Variants in STAT2 observed in about 807,000 individuals in gnomAD.
The protein encoded by STAT2 is signal transducer and activator of transcription 2, also known as interferon alpha induced transcriptional activator.
In STAT2, 51 loss-of-function variants were observed where a neutral mutation model predicts 122.3. The ratio of observed to expected loss-of-function variants is 0.42; its 90% CI spans 0.33 to 0.53. The LOEUF (loss-of-function observed/expected upper bound fraction) is 0.53, where lower values mean the gene tolerates loss of function less well. Ranked by LOEUF, STAT2 falls within the 20% of genes least tolerant of loss-of-function variation. The pLI, the probability that STAT2 is intolerant of heterozygous loss-of-function variation, is 0.10. For missense variants in STAT2, 736 were observed against 1,010.3 expected (o/e 0.73, Z 3.68); for synonymous variants, 351 against 394.9 (o/e 0.89, Z 1.32).
chr12:56,355,263 A>G lies in STAT2; in HGVS notation c.547+13T>C, dbSNP rs773493398. ...GCACTTATCTTTCTCCAGCCCCTCAATGTGCTTCCTACCTTTGGCCTGGAT... is the reference window on the plus strand; with the variant it reads ...GCACTTATCTTTCTCCAGCCCCTCAGTGTGCTTCCTACCTTTGGCCTGGAT... On this transcript the variant is annotated intron_variant, in intron 6 of 23. Transcript: ENST00000314128. 2.8e-5 allele frequency: 45 copies of G among 1,613,918 alleles called. No homozygotes were observed. In the Admixed American group the frequency reaches 7.5e-4, roughly 27 times the overall value.
Position 56,349,011 on chromosome 12 carries a change from C to T in STAT2, c.1489G>A (p.Gly497Ser), listed in dbSNP as rs1303248116. The T allele has an allele frequency of 6.2e-7, 1 of 1,613,768 alleles. No homozygotes were observed. Among genetic ancestry groups the T allele is most frequent in the Non-Finnish European group, 8.5e-7 (1 of 1,179,936 alleles). ...GAGAACTGCCAACTGAGAGCAGGGC[C>T]CAGCAAGCTCCAGGGGGCCTTGGGG... The part of the protein sequence containing the change: ...NPPKAPWSLL[G>S]PALSWQFSSY... Residue 497 changes from glycine to serine, a missense_variant, in exon 17 of 24, where the codon GGC becomes AGC. Transcript: ENST00000314128.
Position 56,344,153 on chromosome 12 carries a change from G to C in STAT2, c.2103-18C>G, listed in dbSNP as rs1215352037. ...CCACCTGTCTGGATACCCAAAGACA[G>C]ACAAAGGGGCAGGGCTCAGTGGTTC... On this transcript the variant is annotated intron_variant, in intron 22 of 23. Transcript: ENST00000314128. 6.5e-7 allele frequency: 1 copy of C among 1,543,826 alleles called. No individual in the cohort carries two copies. Among genetic ancestry groups the C allele is most frequent in the Admixed American group, 2.0e-5 (1 of 50,680 alleles).
Position 56,343,283 on chromosome 12 carries a change from C to T in STAT2, c.*106G>A, listed in dbSNP as rs1876839266. 6.7e-7 allele frequency: 1 copy of T among 1,499,892 alleles called. No homozygotes were observed. The highest frequency in any genetic ancestry group is 9.0e-7 in the Non-Finnish European group (1 of 1,110,212). The allele number at this position is 1,499,892 out of a possible 1,614,324, so 92.9% of individuals were successfully genotyped here. On this transcript the variant is annotated 3_prime_UTR_variant, in exon 24 of 24. Coordinates refer to ENST00000314128, the MANE Select transcript of STAT2 (RefSeq NM_005419.4). ...CAGGCCTGAGTTTGAACAGTTAACA[C>T]AGCTTGGAAGGGACACATGCCTGAT...
intron 8 of STAT2, among the ~76,000 whole-genome samples, chr12:56,352,764 T>C (rs1180414972): frequency 6.6e-6 from 1 of 151,956 alleles, no homozygotes; most frequent in African/African-American, 2.4e-5. Context: ...ATCAAACTCC[T>C]GGACTCAAGC....
intron 6 of STAT2, 94 bp downstream of exon 6, chr12:56,355,182 G>T: frequency 1.4e-6 from 2 of 1,432,134 alleles, no homozygotes; most frequent in South Asian, 2.3e-5. Context: ...GTCTGACAGT[G>T]ACTACTGCTC....
At chr12:56,346,418 A>G (rs1406371144) in intron 21 of STAT2, 24 bp downstream of exon 21, 1 of 1,613,544 alleles carries the variant, frequency 6.2e-7, no homozygotes, top group African/African-American at 1.3e-5. Flanking sequence ...CAATCTAGCA[A>G]TGAAGTATGT....
chr12:56,358,764 T>C (rs1879912940), intron 1 of STAT2, among the ~76,000 whole-genome samples: 1 of 152,092 alleles, frequency 6.6e-6, no homozygotes, highest in African/African-American at 2.4e-5. Flanking sequence ...TCACTTAAAA[T>C]TGTTGCCTGT....
At chr12:56,354,668 C>A in intron 7 of STAT2, 54 bp from the exon 8 acceptor site, 1 of 1,612,884 alleles carries the variant, frequency 6.2e-7, no homozygotes. Flanking sequence ...CCCTCCACCA[C>A]CCAACTGGGG....
At chr12:56,353,731 C>T (rs866398655) in intron 8 of STAT2, among the ~76,000 whole-genome samples, 1 of 151,456 alleles carries the variant, frequency 6.6e-6, no homozygotes, top group African/African-American at 2.4e-5. Context: ...TGGTGGCTCA[C>T]GCCTGTAATC....
chr12:56,346,969 A>G lies in STAT2; in HGVS notation c.1725-14T>C, dbSNP rs1208508863. 6.2e-7 allele frequency: 1 copy of G among 1,613,658 alleles called. No homozygotes were observed. The highest frequency in any genetic ancestry group is 8.5e-7 in the Non-Finnish European group (1 of 1,179,814). Reference sequence around the variant, plus strand: ...CCCATGATGCGTCTGGAGCACAGAGAGCAGCTGTGAGACACCGCCCAACAC... The same window carrying G: ...CCCATGATGCGTCTGGAGCACAGAGGGCAGCTGTGAGACACCGCCCAACAC... On this transcript the variant is annotated splice_polypyrimidine_tract_variant and intron_variant, in intron 19 of 23. Coordinates refer to ENST00000314128, the MANE Select transcript of STAT2 (RefSeq NM_005419.4).
chr12:56,355,172 G>T, intron 6 of STAT2, 104 bp downstream of exon 6: 1 of 1,341,836 alleles, frequency 7.5e-7, no homozygotes, highest in Non-Finnish European at 1.1e-6. Context: ...AGTGGGGTGT[G>T]TCTGACAGTG....
intron 9 of STAT2, 47 bp downstream of exon 9, chr12:56,351,245 T>G (rs560127156): frequency 6.8e-6 from 11 of 1,611,344 alleles, no homozygotes; most frequent in Non-Finnish European, 9.3e-6. Flanking sequence ...TAAGAATGGC[T>G]TCCCTTGTTC....
intron 13 of STAT2, 153 bp from the exon 14 acceptor site, chr12:56,349,789 C>T (rs984165212): frequency 2.0e-6 from 2 of 1,009,426 alleles, no homozygotes; most frequent in African/African-American, 3.2e-5. Flanking sequence ...TGGCTCATGC[C>T]TGTGATCCCA....
intron 22 of STAT2, among the ~76,000 whole-genome samples, chr12:56,344,788 T>C (rs1219962292): frequency 6.6e-6 from 1 of 152,080 alleles, no homozygotes; most frequent in African/African-American, 2.4e-5. Flanking sequence ...GGGCGGATCA[T>C]GAGGTCAGGA....
In STAT2 at chr12:56,343,471, C is replaced by T. The variant is rs113083644; in HGVS notation, c.2474G>A (p.Gly825Asp). Reference sequence around the variant, plus strand: ...GTAAACCTCATCCACGGTGTTCTGGCCAGCCAACAGTGGGTCACCATTCGG... The same window carrying T: ...GTAAACCTCATCCACGGTGTTCTGGTCAGCCAACAGTGGGTCACCATTCGG... ...IMPNGDPLLA[G>D]QNTVDEVYVS... Residue 825 changes from glycine (G) to aspartate (D), a missense_variant, in exon 24 of 24, where the codon GGC becomes GAC. By Grantham distance (94) the Gly-to-Asp change is moderately conservative (BLOSUM62 -1). Transcript: ENST00000314128. 66 of 1,614,122 alleles carry T rather than the reference C, an allele frequency of 4.1e-5. 2 individuals are homozygous for T. In the African/African-American group the frequency reaches 5.1e-4, roughly 12 times the overall value.
rs1877554115 is a variant in STAT2, at chr12:56,346,888, AG to A, written c.1791del (p.Leu599TyrfsTer43). 1 of 1,614,172 alleles carries A rather than the reference AG, an allele frequency of 6.2e-7. No homozygotes were observed. The highest frequency in any genetic ancestry group is 8.5e-7 in the Non-Finnish European group (1 of 1,180,026). ...RRLLKKTMSGTFLLRFSESSE... is the reference protein window; with the variant it reads ...RRLLKKTMSGXFLLRFSESSE... ...GACGATTCACTGAAGCGCAGTAGAA[AG>A]GTGCCAGACATGGTCTTCTTCAGCA... On this transcript the variant is annotated frameshift_variant, in exon 20 of 24. Transcript: ENST00000314128. LOFTEE classifies it high-confidence loss of function.
chr12:56,355,197 G>A, intron 6 of STAT2, 79 bp downstream of exon 6: 6 of 1,536,096 alleles, frequency 3.9e-6, no homozygotes, highest in Non-Finnish European at 5.4e-6. Flanking sequence ...CTGCTCATCG[G>A]AGCTTTCTCC....
At chr12:56,348,827 C>G (rs1877960403) in intron 17 of STAT2, 23 bp from the exon 18 acceptor site, 2 of 1,614,134 alleles carry the variant, frequency 1.2e-6, no homozygotes, top group East Asian at 2.2e-5. Context: ...TAGCCACAGA[C>G]AGATGATGAG....
chr12:56,351,052 G>A lies in STAT2; in HGVS notation c.1034+46C>T, dbSNP rs746123346. On this transcript the variant is annotated intron_variant, in intron 10 of 23. Coordinates refer to ENST00000314128, the MANE Select transcript of STAT2 (RefSeq NM_005419.4). ...GCTGTAAAGCCAGAAAATACACAGT[G>A]GCAGGGTTGGAAAAAGGAAGTGGGA... 5.0e-6 allele frequency: 8 copies of A among 1,599,940 alleles called. No individual in the cohort carries two copies. In the East Asian group the frequency reaches 6.7e-5, roughly 13 times the overall value.
Sources: gnomAD v4.1 joint callset for allele counts (sites outside exome capture counted in the v4.1 genomes callset) on GRCh38, gnomAD v4.1.1 for gene constraint, MANE v1.5 for transcripts, NCBI Gene and HGNC (gene_info 2026-07-23, HGNC 2026-07-21) for gene names.